Variants in DCUN1D5 observed in about 807,000 individuals in gnomAD.
The protein encoded by DCUN1D5 is DCN1-like protein 5.
A neutral mutation model predicts 38.3 loss-of-function variants in DCUN1D5; 10 were observed. The observed-to-expected ratio is 0.26, with a 90% CI of 0.16 to 0.44. DCUN1D5 has a LOEUF of 0.44. DCUN1D5 is among the 20% of genes least tolerant of loss of function. DCUN1D5 has a pLI of 1.00. For missense variants in DCUN1D5, 148 were observed against 275.3 expected (o/e 0.54, Z 3.27); for synonymous variants, 93 against 90.9 (o/e 1.02, Z -0.13).
chr11:103,082,862 G>C (rs1230183545), intron 3 of DCUN1D5, 23 bp from the exon 4 acceptor site: 1 of 1,577,414 alleles, frequency 6.3e-7, no homozygotes, highest in Non-Finnish European at 8.7e-7. Context: ...GAACATAAAG[G>C]ATAGGGGAAA....
chr11:103,070,626 A>G (rs899695943), intron 4 of DCUN1D5, among the ~76,000 whole-genome samples: 1 of 152,176 alleles, frequency 6.6e-6, no homozygotes, highest in African/African-American at 2.4e-5. Flanking sequence ...ATTCATAATT[A>G]TAGTTGGATA....
In DCUN1D5 at chr11:103,062,351, A is replaced by G. The variant is rs764843285; in HGVS notation, c.*8T>C. The G allele has an allele frequency of 7.2e-5, 116 of 1,613,418 alleles. 1 individual carries two copies. In the Admixed American group the frequency reaches 1.9e-3, roughly 26 times the overall value. On this transcript the variant is annotated 3_prime_UTR_variant, in exon 8 of 8. Transcript: ENST00000260247. This position sits in a 1 kb window ranked among gnomAD's most constrained non-coding sequence, Gnocchi z 4.6. ...TGAAAGGTTTGCATTTTCTTCACAT[A>G]GTTCTTGCTATGATGTCTGACGGAC...
Position 103,060,104 on chromosome 11 carries a change from A to T in DCUN1D5, c.*2255T>A, listed in dbSNP as rs895131361. The stretch of plus-strand genomic sequence containing the variant: ...GGAAAGACAGGAAGGGACACAGCCC[A>T]CACCCTGACTGATGAATTAGGCAGA... On this transcript the variant is annotated 3_prime_UTR_variant, in exon 8 of 8. Coordinates refer to ENST00000260247, the MANE Select transcript of DCUN1D5 (RefSeq NM_032299.4). Among the ~76,000 whole-genome samples, 1 of 152,194 alleles carries T rather than the reference A, an allele frequency of 6.6e-6. No homozygotes were observed. Among genetic ancestry groups the T allele is most frequent in the Non-Finnish European group, 1.5e-5 (1 of 68,032 alleles).
In DCUN1D5 at chr11:103,071,464, A is replaced by G. The variant is rs977526096; in HGVS notation, c.342-4897T>C. Among the ~76,000 whole-genome samples the G allele has an allele frequency of 1.3e-5, 2 of 151,276 alleles. No individual in the cohort carries two copies. The highest frequency in any genetic ancestry group is 2.4e-5 in the African/African-American group (1 of 41,304). ...CACACACAAATTTTTCTACACATAT[A>G]AAGATTTTTATACAGGTATAATCTA... is the stretch of plus-strand genomic sequence containing the variant. On this transcript the variant is annotated intron_variant, in intron 4 of 7. Transcript: ENST00000260247. This position sits in a 1 kb window ranked among gnomAD's most constrained non-coding sequence, Gnocchi z 4.1.
At chr11:103,067,356 T>C (rs1862159858) in intron 4 of DCUN1D5, among the ~76,000 whole-genome samples, 2 of 152,164 alleles carry the variant, frequency 1.3e-5, no homozygotes, top group Admixed American at 6.5e-5. Context: ...CCTGATAACC[T>C]TACCATGCTC....
In DCUN1D5 at chr11:103,087,090, C is replaced by G. The variant is rs1364025825; in HGVS notation, c.178+2137G>C. On this transcript the variant is annotated intron_variant, in intron 2 of 7. Transcript: ENST00000260247. The surrounding 1 kb of genome is among the most constrained non-coding windows in gnomAD (Gnocchi z 4.1). Reference sequence around the variant, plus strand: ...CCTGTAATCCCACCACTCTGGGAAGCTGAGGCAATTAGATCACTTGAGCCC... The same window carrying G: ...CCTGTAATCCCACCACTCTGGGAAGGTGAGGCAATTAGATCACTTGAGCCC... 6.6e-6 allele frequency among the ~76,000 whole-genome samples: 1 copy of G among 151,828 alleles called. No individual in the cohort carries two copies. The highest frequency in any genetic ancestry group is 1.5e-5 in the Non-Finnish European group (1 of 67,974).
At chr11:103,082,215 G>A (rs990525851) in intron 4 of DCUN1D5, among the ~76,000 whole-genome samples, 2 of 152,046 alleles carry the variant, frequency 1.3e-5, no homozygotes, top group Non-Finnish European at 2.9e-5. Flanking sequence ...GAAAGTGTAG[G>A]ACTATAAAAT....
rs544516666 is a variant in DCUN1D5 at position 103,061,277 on chromosome 11, G to A, written c.*1082C>T. Among the ~76,000 whole-genome samples the A allele has an allele frequency of 3.0e-4, 45 of 152,180 alleles. No homozygotes were observed. Among genetic ancestry groups the A allele is most frequent in the African/African-American group, 1.1e-3 (44 of 41,550 alleles). On this transcript the variant is annotated 3_prime_UTR_variant, in exon 8 of 8. Transcript: ENST00000260247. ...TAGAAATGTTTCTGAAGTTGTGACT[G>A]GGCTATGAATATGAACAAAGTTTTC...
chr11:103,082,939 C>A, intron 3 of DCUN1D5, 100 bp from the exon 4 acceptor site: 1 of 847,018 alleles, frequency 1.2e-6, no homozygotes, highest in Non-Finnish European at 1.9e-6. Flanking sequence ...TACTTCCATC[C>A]TTCAACTATT....
In DCUN1D5 at chr11:103,086,761, G is replaced by C. The variant is rs906042467; in HGVS notation, c.178+2466C>G. On this transcript the variant is annotated intron_variant, in intron 2 of 7. Coordinates refer to ENST00000260247, the MANE Select transcript of DCUN1D5 (RefSeq NM_032299.4). This position sits in a 1 kb window ranked among gnomAD's most constrained non-coding sequence, Gnocchi z 4.1. ...AACAAGTGCTCAATATTTATTGAAT[G>C]GATGACAGAAATTAACCAAGAGTAC... 2.0e-5 allele frequency among the ~76,000 whole-genome samples: 3 copies of C among 151,840 alleles called. No homozygotes were observed. The highest frequency in any genetic ancestry group is 4.8e-5 in the African/African-American group (2 of 41,302).
intron 4 of DCUN1D5, among the ~76,000 whole-genome samples, chr11:103,079,670 A>G (rs957166438): frequency 6.6e-6 from 1 of 151,764 alleles, no homozygotes; most frequent in East Asian, 1.9e-4. Flanking sequence ...TGTGGTCCCA[A>G]TTACTTGAGA....
In DCUN1D5 at chr11:103,073,324, G is replaced by A. The variant is rs1164457357; in HGVS notation, c.342-6757C>T. ...AGAAGACAAAAATTACCAATATCAGGAATATTAAGAGTATTCAAAGACTCA... is the reference window on the plus strand; with the variant it reads ...AGAAGACAAAAATTACCAATATCAGAAATATTAAGAGTATTCAAAGACTCA... On this transcript the variant is annotated intron_variant, in intron 4 of 7. Transcript: ENST00000260247. The surrounding 1 kb of genome is among the most constrained non-coding windows in gnomAD (Gnocchi z 4.2). 6.6e-6 allele frequency among the ~76,000 whole-genome samples: 1 copy of A among 151,958 alleles called. No individual in the cohort carries two copies. Among genetic ancestry groups the A allele is most frequent in the Non-Finnish European group, 1.5e-5 (1 of 67,980 alleles).
At chr11:103,076,485 GAAAT>G (rs1862410192) in intron 4 of DCUN1D5, among the ~76,000 whole-genome samples, 1 of 152,100 alleles carries the variant, frequency 6.6e-6, no homozygotes, top group Admixed American at 6.5e-5. Context: ...ATAAGCTTAA[GAAAT>G]AAAGTGAAGG....
At chr11:103,088,335 G>A (rs1011607584) in intron 2 of DCUN1D5, among the ~76,000 whole-genome samples, 7 of 151,728 alleles carry the variant, frequency 4.6e-5, no homozygotes, top group Non-Finnish European at 1.0e-4. Context: ...TTAAAAAAAA[G>A]GAAAAGGAAA....
Position 103,062,552 on chromosome 11 carries a change from T to C in DCUN1D5, c.659-138A>G. ...GGTGTTCTGCTTCTAGACACCTTAT[T>C]CCATTTAATGGTGCTTTCTTATTAG... On this transcript the variant is annotated intron_variant, in intron 7 of 7. Transcript: ENST00000260247. The surrounding 1 kb of genome is among the most constrained non-coding windows in gnomAD (Gnocchi z 4.6). The C allele has an allele frequency of 1.4e-6, 1 of 702,574 alleles. No individual in the cohort carries two copies. Among genetic ancestry groups the C allele is most frequent in the Non-Finnish European group, 2.4e-6 (1 of 415,798 alleles). The allele number at this position is 702,574 out of a possible 1,614,324, so 43.5% of individuals were successfully genotyped here. A position where few individuals can be genotyped will look rare whatever the true frequency, so the allele number is the denominator to read the frequency against.
In DCUN1D5 at chr11:103,062,129, TATAAAC is replaced by T. The variant is rs755694526; in HGVS notation, c.*224_*229del. 27 of 458,068 alleles carry T rather than the reference TATAAAC, an allele frequency of 5.9e-5. No individual in the cohort carries two copies. Among genetic ancestry groups the T allele is most frequent in the Middle Eastern group, 1.0e-3 (2 of 1,990 alleles). The allele number at this position is 458,068 out of a possible 1,614,324, so 28.4% of individuals were successfully genotyped here. A position where few individuals can be genotyped will look rare whatever the true frequency, so the allele number is the denominator to read the frequency against. ...ATCTTTATTGTTCTGAAATAAATGT[TATAAAC>T]ATAACTCAAAACAAAAACTTCAATA... On this transcript the variant is annotated 3_prime_UTR_variant, in exon 8 of 8. Transcript: ENST00000260247. This position sits in a 1 kb window ranked among gnomAD's most constrained non-coding sequence, Gnocchi z 4.6.
intron 4 of DCUN1D5, among the ~76,000 whole-genome samples, chr11:103,070,496 A>G (rs1054228406): frequency 6.6e-6 from 1 of 152,206 alleles, no homozygotes; most frequent in African/African-American, 2.4e-5. Context: ...GGGTCAATCC[A>G]TCAGAAAGAC....
rs903915588 is a variant in DCUN1D5 at position 103,071,461 on chromosome 11, T to C, written c.342-4894A>G. On this transcript the variant is annotated intron_variant, in intron 4 of 7. Coordinates refer to ENST00000260247, the MANE Select transcript of DCUN1D5 (RefSeq NM_032299.4). This position sits in a 1 kb window ranked among gnomAD's most constrained non-coding sequence, Gnocchi z 4.1. ...CTACACACACAAATTTTTCTACACA[T>C]ATAAAGATTTTTATACAGGTATAAT... 6.6e-6 allele frequency among the ~76,000 whole-genome samples: 1 copy of C among 151,352 alleles called. No individual in the cohort carries two copies. The highest frequency in any genetic ancestry group is 1.5e-5 in the Non-Finnish European group (1 of 67,790).
At position 103,050,840 on chromosome 11, in the gene DCUN1D5, A is replaced by G. The variant is rs772138620; in HGVS notation, c.*11519T>C. 2.0e-5 allele frequency: 3 copies of G among 152,262 alleles called. No homozygotes were observed. The highest frequency in any genetic ancestry group is 4.4e-5 in the Non-Finnish European group (3 of 68,044). 9.4% of individuals were successfully genotyped at this position (152,262 alleles called of 1,614,324 possible). On this transcript the variant is annotated 3_prime_UTR_variant, in exon 8 of 8. Transcript: ENST00000260247. ...AAGGAGCTCACAGTTAAGAAAACAGATATGTAAGTATGCTACTGTAATATG... is the reference window on the plus strand; with the variant it reads ...AAGGAGCTCACAGTTAAGAAAACAGGTATGTAAGTATGCTACTGTAATATG...
Sources: gnomAD v4.1 joint callset for allele counts (sites outside exome capture counted in the v4.1 genomes callset) on GRCh38, gnomAD v4.1.1 for gene constraint, Gnocchi (gnomAD v3.1) non-coding constraint, MANE v1.5 for transcripts, NCBI Gene and HGNC (gene_info 2026-07-23, HGNC 2026-07-21) for gene names.